RAPGEF1: variants seen among roughly 807,000 people sequenced by gnomAD.
RAPGEF1 encodes CRK SH3-binding GNRP.
In RAPGEF1, 33 loss-of-function variants were observed where a neutral mutation model predicts 143.3. That is an observed-to-expected ratio of 0.23 (90% CI 0.17 to 0.31). RAPGEF1 has a LOEUF of 0.31. RAPGEF1 is among the 10% of genes least tolerant of loss of function. The pLI is 1.00. For missense variants in RAPGEF1, 1,199 were observed against 1,645.4 expected, an observed-to-expected ratio of 0.73 and a Z score of 4.69; for synonymous variants, 629 against 676.5, an observed-to-expected ratio of 0.93 and a Z score of 1.09.
In RAPGEF1 at chr9:131,675,660, G is replaced by A. The variant is rs1313336240; in HGVS notation, c.62-24711C>T. Among the ~76,000 whole-genome samples, 1 of 152,236 alleles carries A rather than the reference G, an allele frequency of 6.6e-6. No individual in the cohort carries two copies. The highest frequency in any genetic ancestry group is 6.5e-5 in the Admixed American group (1 of 15,290). ...ATTATCCTGCCCCTGTACCAGGAAA[G>A]CCCCCAGGGAATGAAGGTAGAGAAG... is the stretch of plus-strand genomic sequence containing the variant. On this transcript the variant is annotated intron_variant, in intron 1 of 26. Coordinates refer to ENST00000683357, the MANE Select transcript of RAPGEF1 (RefSeq NM_001377935.1). The surrounding 1 kb of genome is among the most constrained non-coding windows in gnomAD (Gnocchi z 4.6).
rs1253015472 is a variant in RAPGEF1, at chr9:131,655,102, ACTTAACAAGGCCAAAGTT to A, written c.62-4171_62-4154del. ...ACTCTGTCTACTATTGCTGCACGTGACTTAACAAGGCCAAAGTTCAGTTCCCTTGCTAAAGACCTTCCA... is the reference window on the plus strand; with the variant it reads ...ACTCTGTCTACTATTGCTGCACGTGACAGTTCCCTTGCTAAAGACCTTCCA... On this transcript the variant is annotated intron_variant, in intron 1 of 26. Transcript: ENST00000683357. This position sits in a 1 kb window ranked among gnomAD's most constrained non-coding sequence, Gnocchi z 4.1. Among the ~76,000 whole-genome samples the A allele has an allele frequency of 6.6e-6, 1 of 152,196 alleles. No homozygotes were observed. The highest frequency in any genetic ancestry group is 1.9e-4 in the East Asian group (1 of 5,202).
intron 10 of RAPGEF1, among the ~76,000 whole-genome samples, chr9:131,625,484 G>A (rs867004751): frequency 6.6e-6 from 1 of 152,162 alleles, no homozygotes; most frequent in Non-Finnish European, 1.5e-5. Flanking sequence ...CAGAGACAGT[G>A]TGCTCTAGAC....
In RAPGEF1 at chr9:131,633,309, C is replaced by T. The variant is rs185879894; in HGVS notation, c.652-2985G>A. Among the ~76,000 whole-genome samples the T allele has an allele frequency of 3.2e-3, 493 of 152,232 alleles. 2 individuals are homozygous for T. The highest frequency in any genetic ancestry group is 4.6e-3 in the Non-Finnish European group (314 of 68,024). ...ACCCTACCGCCTGGAGGAGGGAGGACGGTGGGAGAAGCAGCTCTTCCTAAA... is the reference window on the plus strand; with the variant it reads ...ACCCTACCGCCTGGAGGAGGGAGGATGGTGGGAGAAGCAGCTCTTCCTAAA... On this transcript the variant is annotated intron_variant, in intron 5 of 26. Transcript: ENST00000683357.
At chr9:131,598,139 G>GC in intron 16 of RAPGEF1, 60 bp downstream of exon 16, 1 of 1,419,822 alleles carries the variant, frequency 7.0e-7, no homozygotes. Context: ...ATTCTTCTCT[G>GC]CCCCACCTGC....
chr9:131,605,479 C>A (rs1365183966), intron 12 of RAPGEF1, among the ~76,000 whole-genome samples: 1 of 152,186 alleles, frequency 6.6e-6, no homozygotes, highest in African/African-American at 2.4e-5. Flanking sequence ...TCTGCTGGGA[C>A]AGAAAATAAA....
Position 131,594,592 on chromosome 9 carries a change from A to C in RAPGEF1, c.2689+1706T>G, listed in dbSNP as rs1215862187. ...TCTGGCTTGCAGGATGCACCTGCCC[A>C]AGGAGCTTGCTTTGTTACCTGCCAC... On this transcript the variant is annotated intron_variant, in intron 17 of 26. Transcript: ENST00000683357. 5.9e-5 allele frequency among the ~76,000 whole-genome samples: 9 copies of C among 152,310 alleles called. No individual in the cohort carries two copies. In the East Asian group the frequency reaches 1.7e-3, roughly 29 times the overall value.
rs756680348 is a variant in RAPGEF1, at chr9:131,602,096, G to A, written c.2466C>T (p.Gly822=). The change falls in exon 15 of 27, where the codon GGC becomes GGT. Residue 822 remains glycine, a synonymous_variant. Transcript: ENST00000683357. ...GHPRDPSAVS[G]VPGKDSRDGS... ...CGTCTCTGCTGTCCTTCCCAGGGAC[G>A]CCGCTGACCGCTGAGGGATCTCTGG... The A allele has an allele frequency of 1.0e-5, 16 of 1,604,108 alleles. No individual in the cohort carries two copies. Among genetic ancestry groups the A allele is most frequent in the East Asian group, 2.3e-5 (1 of 44,372 alleles).
chr9:131,728,792 C>T (rs1407985958), intron 1 of RAPGEF1, among the ~76,000 whole-genome samples: 1 of 152,128 alleles, frequency 6.6e-6, no homozygotes, highest in African/African-American at 2.4e-5. Context: ...GAGTAGAAGG[C>T]GACCTGAAGT....
chr9:131,598,485 G>T (rs1054174904), intron 15 of RAPGEF1, 175 bp from the exon 16 acceptor site: 15 of 701,508 alleles, frequency 2.1e-5, no homozygotes, highest in Non-Finnish European at 3.6e-5. Flanking sequence ...CTGGCTGTGT[G>T]GCCATAGGAC....
rs200827749 is a variant in RAPGEF1, at chr9:131,596,365, G to T, written c.2622C>A (p.Asp874Glu). 1.9e-6 allele frequency: 3 copies of T among 1,613,838 alleles called. No individual in the cohort carries two copies. The highest frequency in any genetic ancestry group is 2.5e-6 in the Non-Finnish European group (3 of 1,179,870). ...CAGATCCTCCGCGGACGTCCGGCCC[G>T]TCATCACCCTGTAATGAACACAGCC... ...SRLTLKQEGDDGPDVRGGSGD... is the reference protein window; with the variant it reads ...SRLTLKQEGDEGPDVRGGSGD... The change falls in exon 17 of 27, where the codon GAC becomes GAA. Residue 874 changes from aspartate to glutamate, a missense_variant. Transcript: ENST00000683357.
rs553644640 is a variant in RAPGEF1 at position 131,582,642 on chromosome 9, C to T, written c.3475G>A (p.Ala1159Thr). 9.8e-6 allele frequency: 15 copies of T among 1,533,712 alleles called. No homozygotes were observed. The highest frequency in any genetic ancestry group is 2.6e-5 in the East Asian group (1 of 38,032). ...SSSSFRAYRAALSEVEPPCIP... is the reference protein window; with the variant it reads ...SSSSFRAYRATLSEVEPPCIP... ...CACGGCGGTTCCACCTCCGAGAGGG[C>T]GGCCCGGTAGGCTCGGAAGGAGGAC... Residue 1159 changes from alanine to threonine, a missense_variant, in exon 25 of 27, where the codon GCC (alanine) becomes ACC (threonine). This residue lies in a region of RAPGEF1 where 209 missense variants were observed against 403.0 expected (regional missense o/e 0.52). Transcript: ENST00000683357.
At chr9:131,685,619 T>C (rs1186171288) in intron 1 of RAPGEF1, among the ~76,000 whole-genome samples, 3 of 152,222 alleles carry the variant, frequency 2.0e-5, no homozygotes, top group Non-Finnish European at 4.4e-5. Flanking sequence ...GTTAATTTAA[T>C]ATCTACGGAA....
intron 12 of RAPGEF1, among the ~76,000 whole-genome samples, chr9:131,615,659 T>C (rs1958876671): frequency 6.6e-6 from 1 of 152,138 alleles, no homozygotes; most frequent in Non-Finnish European, 1.5e-5. Flanking sequence ...CATTACCTTA[T>C]TCTAAGTGTT....
intron 1 of RAPGEF1, among the ~76,000 whole-genome samples, chr9:131,717,863 G>A (rs944267465): frequency 6.6e-6 from 1 of 152,122 alleles, no homozygotes; most frequent in East Asian, 1.9e-4. Flanking sequence ...GGGCCCAGTG[G>A]TTAGGGCTGA....
chr9:131,646,587 C>T (rs1969705455), intron 3 of RAPGEF1, among the ~76,000 whole-genome samples: 1 of 152,178 alleles, frequency 6.6e-6, no homozygotes, highest in African/African-American at 2.4e-5. Flanking sequence ...ACAGTTCTCT[C>T]CCCACAGCCG....
At chr9:131,682,364 C>T (rs1292772904) in intron 1 of RAPGEF1, among the ~76,000 whole-genome samples, 3 of 152,212 alleles carry the variant, frequency 2.0e-5, no homozygotes, top group African/African-American at 7.2e-5. Flanking sequence ...GGGGCATTTC[C>T]AGCTCAGGCC....
Position 131,587,827 on chromosome 9 carries a change from G to T in RAPGEF1, c.3142C>A (p.Pro1048Thr). 6.2e-7 allele frequency: 1 copy of T among 1,613,536 alleles called. No individual in the cohort carries two copies. The part of the protein sequence containing the change: ...DAELFYKIEI[P>T]EVLLWAKEQN... ...TCTTTTGCCCAAAGCAAAACCTCAG[G>T]AATCTACAAAAGGAAAGAAGGCAGA... Residue 1048 changes from proline (P) to threonine (T), a missense_variant, in exon 22 of 27, where the codon CCT becomes ACT. Around this residue, in one of 6 missense-constraint regions of RAPGEF1, gnomAD observed 209 missense variants for 403.0 expected, o/e 0.52. Coordinates refer to ENST00000683357, the MANE Select transcript of RAPGEF1 (RefSeq NM_001377935.1).
In RAPGEF1 at chr9:131,650,997, G is replaced by C. The variant is rs771568599; in HGVS notation, c.62-48C>G. 6.3e-7 allele frequency: 1 copy of C among 1,590,438 alleles called. No individual in the cohort carries two copies. The highest frequency in any genetic ancestry group is 8.6e-7 in the Non-Finnish European group (1 of 1,165,214). ...CTGTTAGATGGGAGTGGGAAGAAGC[G>C]ATGGTTCATTGACCTTTTGTGGAAA... On this transcript the variant is annotated intron_variant, in intron 1 of 26. Transcript: ENST00000683357. The surrounding 1 kb of genome is among the most constrained non-coding windows in gnomAD (Gnocchi z 4.7).
chr9:131,624,208 C>T (rs1962220907), intron 10 of RAPGEF1, among the ~76,000 whole-genome samples: 1 of 152,210 alleles, frequency 6.6e-6, no homozygotes, highest in South Asian at 2.1e-4. Flanking sequence ...CTCAGTTCTT[C>T]TGAGCTCCAG....
Sources: gnomAD v4.1 joint callset for allele counts (sites outside exome capture counted in the v4.1 genomes callset) on GRCh38, gnomAD v4.1.1 for gene constraint, gnomAD v4.1.1 regional missense constraint, Gnocchi (gnomAD v3.1) non-coding constraint, MANE v1.5 for transcripts, NCBI Gene and HGNC (gene_info 2026-07-23, HGNC 2026-07-21) for gene names.